Variants in CCDC38 observed in about 807,000 individuals in gnomAD.
CCDC38 encodes coiled-coil domain-containing protein 38.
In CCDC38, 69 loss-of-function variants were observed where a neutral mutation model predicts 72.8. The observed-to-expected ratio is 0.95, with a 90% confidence interval of 0.78 to 1.16. The LOEUF (loss-of-function observed/expected upper bound fraction) is 1.16. CCDC38 is among the 50% of genes most tolerant of loss of function. CCDC38 has a pLI of 0.00. For synonymous variants in CCDC38, 201 were observed against 213.2 expected (o/e 0.94, Z 0.50); for missense variants, 626 against 638.9 (o/e 0.98, Z 0.22).
At chr12:95,929,552 C>G (rs140903944) in intron 2 of CCDC38, among the ~76,000 whole-genome samples, 14 of 152,300 alleles carry the variant, frequency 9.2e-5, no homozygotes, top group African/African-American at 2.2e-4. Context: ...ATTCGGCCAT[C>G]TTGGCTCCTC....
chr12:95,888,530 C>A, intron 9 of CCDC38, 24 bp from the exon 10 acceptor site: 1 of 1,612,584 alleles, frequency 6.2e-7, no homozygotes, highest in Non-Finnish European at 8.5e-7. Context: ...CCAGGTGAGG[C>A]CATGCCGTTG....
intron 2 of CCDC38, among the ~76,000 whole-genome samples, chr12:95,919,225 C>T (rs1007377058): frequency 3.5e-4 from 53 of 152,276 alleles, no homozygotes; most frequent in African/African-American, 1.2e-3. Context: ...ATGGTTAGAA[C>T]AAATTTATAG....
At chr12:95,869,035 A>C (rs886776188) in intron 15 of CCDC38, among the ~76,000 whole-genome samples, 2 of 152,222 alleles carry the variant, frequency 1.3e-5, no homozygotes, top group Admixed American at 6.5e-5. Flanking sequence ...TAGTAAGAAA[A>C]AGAATATGTA....
chr12:95,870,972 G>T (rs1592750694), intron 14 of CCDC38, among the ~76,000 whole-genome samples: 1 of 152,148 alleles, frequency 6.6e-6, no homozygotes, highest in East Asian at 1.9e-4. Flanking sequence ...TAAAGAAACC[G>T]ACTAGAGTGC....
At chr12:95,908,335 GCCTGCAAT>G (rs1565956999) in intron 4 of CCDC38, among the ~76,000 whole-genome samples, 2 of 149,654 alleles carry the variant, frequency 1.3e-5, no homozygotes, top group African/African-American at 4.9e-5. Flanking sequence ...GGCGGCGCGC[GCCTGCAAT>G]CGCAGGCACT....
chr12:95,894,772 C>G (rs1180844721), intron 8 of CCDC38, among the ~76,000 whole-genome samples: 1 of 152,136 alleles, frequency 6.6e-6, no homozygotes, highest in African/African-American at 2.4e-5. Flanking sequence ...AATTGCCCAG[C>G]CTTAAGTATT....
intron 2 of CCDC38, among the ~76,000 whole-genome samples, chr12:95,928,696 G>A (rs1419572335): frequency 2.0e-5 from 3 of 152,168 alleles, no homozygotes; most frequent in African/African-American, 4.8e-5. Flanking sequence ...TTTGATGATG[G>A]TGATGTACAG....
At position 95,893,322 on chromosome 12, in the gene CCDC38, C is replaced by T. The variant is rs921060563; in HGVS notation, c.772+1667G>A. ...TTCCTTCTTTCCTTCCTTTTCCCTT[C>T]CTTTGCCCTTCCCTTCCCTTCCCTT... On this transcript the variant is annotated intron_variant, in intron 8 of 15. Transcript: ENST00000344280. 6.6e-5 allele frequency among the ~76,000 whole-genome samples: 10 copies of T among 151,116 alleles called. 1 individual carries two copies. The highest frequency in any genetic ancestry group is 4.0e-4 in the Admixed American group (6 of 15,136).
intron 1 of CCDC38, among the ~76,000 whole-genome samples, chr12:95,938,098 T>A (rs996378250): frequency 3.9e-5 from 6 of 152,090 alleles, no homozygotes; most frequent in Non-Finnish European, 8.8e-5. Flanking sequence ...CCAGTGGTTA[T>A]AAAAACAAAT....
chr12:95,909,616 C>T (rs1231185308), intron 4 of CCDC38, among the ~76,000 whole-genome samples: 1 of 152,020 alleles, frequency 6.6e-6, no homozygotes, highest in Non-Finnish European at 1.5e-5. Context: ...AACTACAGGC[C>T]ACTATCCTTG....
chr12:95,891,350 A>G (rs1004004643), intron 8 of CCDC38, among the ~76,000 whole-genome samples: 2 of 151,888 alleles, frequency 1.3e-5, no homozygotes, highest in Non-Finnish European at 2.9e-5. Flanking sequence ...TTTTTATTTT[A>G]TTTTATTTTT....
chr12:95,894,964 T>A, intron 8 of CCDC38, 25 bp downstream of exon 8: 2 of 1,567,312 alleles, frequency 1.3e-6, no homozygotes, highest in Non-Finnish European at 1.7e-6. Context: ...ATTTAGTTCA[T>A]GAAAGTTGAG....
At chr12:95,911,958 C>T (rs1302287302) in intron 4 of CCDC38, among the ~76,000 whole-genome samples, 2 of 152,184 alleles carry the variant, frequency 1.3e-5, no homozygotes, top group African/African-American at 4.8e-5. Context: ...AATACAGAGA[C>T]TCAACCTAGA....
chr12:95,897,335 G>T (rs979053282), intron 7 of CCDC38, among the ~76,000 whole-genome samples: 4 of 152,092 alleles, frequency 2.6e-5, no homozygotes, highest in African/African-American at 9.7e-5. Context: ...TAGGCCGGGC[G>T]CGGTGACTCA....
chr12:95,895,171 A>G, intron 7 of CCDC38, 25 bp from the exon 8 acceptor site: 2 of 1,582,814 alleles, frequency 1.3e-6, no homozygotes, highest in Non-Finnish European at 1.7e-6. Context: ...CAAAGATATG[A>G]TTAGGTATAT....
At chr12:95,901,809 G>A (rs2079953166) in intron 5 of CCDC38, among the ~76,000 whole-genome samples, 1 of 152,190 alleles carries the variant, frequency 6.6e-6, no homozygotes, top group Admixed American at 6.5e-5. Context: ...GAATGATAAG[G>A]ACAAAACCCT....
At chr12:95,939,100 C>A (rs2080423007) in intron 1 of CCDC38, among the ~76,000 whole-genome samples, 1 of 152,194 alleles carries the variant, frequency 6.6e-6, no homozygotes. Flanking sequence ...CAAATAGTAT[C>A]TACCTTGTGG....
At chr12:95,908,456 AGAGG>A (rs2080043180) in intron 4 of CCDC38, among the ~76,000 whole-genome samples, 1 of 22 alleles carries the variant, frequency 0.045, no homozygotes, top group Non-Finnish European at 0.071. Context: ...AGGGAGAGGG[AGAGG>A]GAGAGGGAGA....
At chr12:95,915,065 C>A (rs932024678) in intron 4 of CCDC38, among the ~76,000 whole-genome samples, 12 of 152,122 alleles carry the variant, frequency 7.9e-5, no homozygotes, top group Non-Finnish European at 1.3e-4. Flanking sequence ...CAAAAAAATC[C>A]TGTGCTGTCA....
Sources: allele counts gnomAD v4.1 joint callset (sites outside exome capture counted in the v4.1 genomes callset), GRCh38; gene constraint gnomAD v4.1.1; transcripts MANE v1.5; gene names NCBI Gene and HGNC (gene_info 2026-07-23, HGNC 2026-07-21).